Variants in ZFAT observed in about 807,000 individuals in gnomAD.
The protein encoded by ZFAT is zinc finger protein ZFAT.
In ZFAT, 64 loss-of-function variants were observed where a neutral mutation model predicts 117.7. That is an observed-to-expected ratio of 0.54 (90% CI 0.44 to 0.67). ZFAT has a LOEUF of 0.67. Ranked by LOEUF, ZFAT falls within the 30% of genes least tolerant of loss-of-function variation. ZFAT has a pLI of 0.00. For missense variants in ZFAT, 1,433 were observed against 1,584.5 expected, an observed-to-expected ratio of 0.90 and a Z score of 1.62; for synonymous variants, 679 against 615.0, an observed-to-expected ratio of 1.10 and a Z score of -1.54.
At chr8:134,744,488 G>T in the ZFAT span, among the ~76,000 whole-genome samples, 3 of 151,562 alleles carry the variant, frequency 2.0e-5, no homozygotes, top group African/African-American at 7.3e-5. Flanking sequence ...TAGAGATGGG[G>T]TTTCATCACA....
rs372937709 is a variant in ZFAT at position 134,521,034 on chromosome 8, G to A, written c.3116-33C>T. 2.6e-5 allele frequency: 39 copies of A among 1,512,476 alleles called. 1 individual carries two copies. The African/African-American group carries it at 3.9e-4, about 15-fold the overall frequency. 93.7% of individuals were successfully genotyped at this position (1,512,476 alleles called of 1,614,324 possible). On this transcript the variant is annotated intron_variant, in intron 12 of 15. Transcript: ENST00000377838. ...CACAGACAGAGGTTAAAAAAAAAAT[G>A]TGTTCGTAATACAGAAAAATGCAAC...
the ZFAT span, among the ~76,000 whole-genome samples, chr8:134,725,674 A>G: frequency 6.6e-6 from 1 of 152,038 alleles, no homozygotes; most frequent in Non-Finnish European, 1.5e-5. Context: ...ACACAGAGCC[A>G]AACTGTATCA....
chr8:134,576,285 G>A (rs1324274186), intron 10 of ZFAT, among the ~76,000 whole-genome samples: 1 of 152,172 alleles, frequency 6.6e-6, no homozygotes, highest in African/African-American at 2.4e-5. Flanking sequence ...ATAAAAACCT[G>A]AGAAAAAGAG....
At chr8:134,568,374 T>C (rs974714754) in intron 10 of ZFAT, among the ~76,000 whole-genome samples, 1 of 152,246 alleles carries the variant, frequency 6.6e-6, no homozygotes, top group African/African-American at 2.4e-5. Context: ...CAGTTCCAGT[T>C]GAATCTCAGT....
intron 3 of ZFAT, among the ~76,000 whole-genome samples, chr8:134,630,064 G>C (rs995082858): frequency 4.6e-5 from 7 of 152,310 alleles, no homozygotes; most frequent in Admixed American, 2.6e-4. Context: ...ACTCAGGGTA[G>C]CTCTGCTATC....
the ZFAT span, among the ~76,000 whole-genome samples, chr8:134,769,271 A>G: frequency 0.018 from 2,800 of 152,246 alleles, 34 homozygotes; most frequent in African/African-American, 0.033. Flanking sequence ...AAATCAAGTT[A>G]GTTACTTCCT....
At chr8:134,831,941 C>T in the ZFAT span, among the ~76,000 whole-genome samples, 214 of 151,624 alleles carry the variant, frequency 1.4e-3, 1 homozygote, top group South Asian at 8.1e-3. Context: ...GCCCGGTGTC[C>T]TCTCCGCTCC....
intron 1 of ZFAT, among the ~76,000 whole-genome samples, chr8:134,695,044 G>A (rs898624448): frequency 6.6e-6 from 1 of 152,196 alleles, no homozygotes; most frequent in Non-Finnish European, 1.5e-5. Context: ...TGGTCGCACC[G>A]CAAACTGATG....
At chr8:134,662,906 G>T (rs999973116) in intron 1 of ZFAT, among the ~76,000 whole-genome samples, 1 of 152,238 alleles carries the variant, frequency 6.6e-6, no homozygotes, top group Admixed American at 6.5e-5. Context: ...CGGCTCAGAG[G>T]TTTCCAGGGA....
intron 1 of ZFAT, among the ~76,000 whole-genome samples, chr8:134,686,083 C>A (rs1434933401): frequency 6.6e-6 from 1 of 152,248 alleles, no homozygotes; most frequent in Admixed American, 6.5e-5. Context: ...GGGGGTGCAG[C>A]TGCCCTGACA....
intron 9 of ZFAT, among the ~76,000 whole-genome samples, chr8:134,587,670 C>G (rs1282235435): frequency 6.6e-6 from 1 of 152,158 alleles, no homozygotes; most frequent in Non-Finnish European, 1.5e-5. Context: ...ATCTTCACTT[C>G]CAACTTCCCA....
At chr8:134,678,566 A>G (rs2082492659) in intron 1 of ZFAT, among the ~76,000 whole-genome samples, 1 of 152,262 alleles carries the variant, frequency 6.6e-6, no homozygotes, top group Non-Finnish European at 1.5e-5. Context: ...GACTCTTCAC[A>G]GAATTGTAAA....
Position 134,657,740 on chromosome 8 carries a change from G to A in ZFAT, c.20-3C>T. On this transcript the variant is annotated splice_polypyrimidine_tract_variant and splice_region_variant and intron_variant, in intron 1 of 15. Coordinates refer to ENST00000377838, the MANE Select transcript of ZFAT (RefSeq NM_020863.4). Reference sequence around the variant, plus strand: ...ACACATAAAGATGGCCGTGTTTTCTGTAAGGAAAAAAAAGGAAAATATGTT... The same window carrying A: ...ACACATAAAGATGGCCGTGTTTTCTATAAGGAAAAAAAAGGAAAATATGTT... 1 of 1,601,428 alleles carries A rather than the reference G, an allele frequency of 6.2e-7. No individual in the cohort carries two copies.
chr8:134,655,609 C>T (rs1338670803), intron 2 of ZFAT, among the ~76,000 whole-genome samples: 1 of 150,408 alleles, frequency 6.6e-6, no homozygotes, highest in African/African-American at 2.4e-5. Flanking sequence ...GATCACGCCA[C>T]TGCATTCGAG....
intron 1 of ZFAT, chr8:134,696,676 G>C: frequency 1.1e-6 from 1 of 919,718 alleles, no homozygotes; most frequent in Non-Finnish European, 1.3e-6. Context: ...CAGAGGCTCT[G>C]ATTGGCCCAG....
At chr8:134,779,559 G>A in the ZFAT span, among the ~76,000 whole-genome samples, 2 of 152,162 alleles carry the variant, frequency 1.3e-5, no homozygotes, top group African/African-American at 4.8e-5. Flanking sequence ...GCTTGTGAGT[G>A]TCTTATATCC....
At chr8:134,738,484 C>T in the ZFAT span, among the ~76,000 whole-genome samples, 3,863 of 152,264 alleles carry the variant, frequency 0.025, 81 homozygotes, top group African/African-American at 0.058. Flanking sequence ...CAACTACGTA[C>T]GAGAGTGAAG....
At chr8:134,510,561 C>T in intron 14 of ZFAT, 1 of 171,496 alleles carries the variant, frequency 5.8e-6, no homozygotes, top group African/African-American at 2.4e-5. Flanking sequence ...GTAGGACAAG[C>T]CAGTGGCTGA....
At chr8:134,803,520 T>C in the ZFAT span, among the ~76,000 whole-genome samples, 1 of 152,188 alleles carries the variant, frequency 6.6e-6, no homozygotes, top group African/African-American at 2.4e-5. Flanking sequence ...CTGAAAATTG[T>C]ATTTACAAGT....
Sources: allele counts gnomAD v4.1 joint callset (sites outside exome capture counted in the v4.1 genomes callset), GRCh38; gene constraint gnomAD v4.1.1; transcripts MANE v1.5; gene names NCBI Gene and HGNC (gene_info 2026-07-23, HGNC 2026-07-21).